HS6ST3: variants seen among roughly 807,000 people sequenced by gnomAD.
HS6ST3 encodes the protein heparan sulfate 6-O-sulfotransferase 3.
In HS6ST3, 12 loss-of-function variants were observed where a neutral mutation model predicts 36.7. That is an observed-to-expected ratio of 0.33 (90% CI 0.21 to 0.53). HS6ST3 has a LOEUF of 0.53. Among genes scored for constraint, HS6ST3 ranks in the 20% least tolerant of loss-of-function variants. The pLI, the probability that HS6ST3 is intolerant of heterozygous loss-of-function variation, is 0.95. For missense variants in HS6ST3, 584 were observed against 640.9 expected, an observed-to-expected ratio of 0.91 and a Z score of 0.96; for synonymous variants, 240 against 257.5, an observed-to-expected ratio of 0.93 and a Z score of 0.65.
chr13:96,771,971 T>C (rs1877277430), intron 1 of HS6ST3, among the ~76,000 whole-genome samples: 2 of 152,228 alleles, frequency 1.3e-5, no homozygotes, highest in African/African-American at 4.8e-5. Context: ...TTTATGTTTC[T>C]GGTACTGTTT....
In HS6ST3 at chr13:96,683,467, A is replaced by G. The variant is rs192421301; in HGVS notation, c.708-149023A>G. ...TGTTTAAGACATTGTAAGAGCATGC[A>G]TACTAGCAGGTATTATTTCATCATT... On this transcript the variant is annotated intron_variant, in intron 1 of 1. Transcript: ENST00000376705. 5.6e-4 allele frequency among the ~76,000 whole-genome samples: 86 copies of G among 152,232 alleles called. No individual in the cohort carries two copies. In the East Asian group the frequency reaches 0.01, roughly 18 times the overall value.
At chr13:96,308,226 A>G (rs1040201509) in intron 1 of HS6ST3, among the ~76,000 whole-genome samples, 5 of 152,120 alleles carry the variant, frequency 3.3e-5, no homozygotes, top group Non-Finnish European at 7.4e-5. Flanking sequence ...AAGGAACACA[A>G]TCAATTCCTT....
At chr13:96,448,848 G>A (rs1044134736) in intron 1 of HS6ST3, among the ~76,000 whole-genome samples, 13 of 152,098 alleles carry the variant, frequency 8.5e-5, no homozygotes, top group Admixed American at 7.2e-4. Flanking sequence ...GTTCATCTTT[G>A]TATGTCATGC....
intron 1 of HS6ST3, among the ~76,000 whole-genome samples, chr13:96,779,657 C>A (rs1305368388): frequency 1.3e-5 from 2 of 151,796 alleles, no homozygotes; most frequent in African/African-American, 2.4e-5. Flanking sequence ...GTGGAGGAGT[C>A]CTTCACATGC....
At chr13:96,725,346 T>C (rs1279824921) in intron 1 of HS6ST3, among the ~76,000 whole-genome samples, 1 of 152,222 alleles carries the variant, frequency 6.6e-6, no homozygotes, top group Non-Finnish European at 1.5e-5. Flanking sequence ...TAGCAGCGTC[T>C]TGAAGAGAAG....
chr13:96,729,938 T>C (rs959618320), intron 1 of HS6ST3, among the ~76,000 whole-genome samples: 3 of 152,236 alleles, frequency 2.0e-5, no homozygotes, highest in African/African-American at 7.2e-5. Flanking sequence ...TTTTATTGTT[T>C]TACTGACTTC....
intron 1 of HS6ST3, among the ~76,000 whole-genome samples, chr13:96,474,748 C>T (rs1271420390): frequency 6.6e-6 from 1 of 152,126 alleles, no homozygotes. Flanking sequence ...GCTTGTTCAA[C>T]TTAATAGGAA....
At chr13:96,529,545 C>T (rs527499749) in intron 1 of HS6ST3, among the ~76,000 whole-genome samples, 12 of 152,208 alleles carry the variant, frequency 7.9e-5, no homozygotes, top group African/African-American at 2.6e-4. Context: ...TATGTAATTG[C>T]AACCATAGTT....
At chr13:96,198,409 C>T (rs959858114) in intron 1 of HS6ST3, among the ~76,000 whole-genome samples, 1 of 152,202 alleles carries the variant, frequency 6.6e-6, no homozygotes, top group Non-Finnish European at 1.5e-5. Context: ...AATTTCTCCC[C>T]AGAAAATGGG....
intron 1 of HS6ST3, among the ~76,000 whole-genome samples, chr13:96,785,738 G>T (rs1196752512): frequency 6.6e-6 from 1 of 152,078 alleles, no homozygotes; most frequent in Non-Finnish European, 1.5e-5. Context: ...ACAAAAAGAG[G>T]CAAAGAGATA....
Position 96,593,127 on chromosome 13 carries a change from ATTC to A in HS6ST3, c.708-239360_708-239358del, listed in dbSNP as rs2056388750. On this transcript the variant is annotated intron_variant, in intron 1 of 1. Transcript: ENST00000376705. ...TTTGTAAGTATGCTTCATTGTTTTT[ATTC>A]TTTTTTCTTTTTTGTCTCCTCTGAC... Among the ~76,000 whole-genome samples the A allele has an allele frequency of 3.8e-5, 4 of 104,060 alleles. No individual in the cohort carries two copies. The South Asian group carries it at 1.2e-3, about 32-fold the overall frequency. 68.3% of individuals were successfully genotyped at this position (104,060 alleles called of 152,430 possible). A position where few individuals can be genotyped will look rare whatever the true frequency, so the allele number is the denominator to read the frequency against.
At chr13:96,150,246 A>G (rs1393907442) in intron 1 of HS6ST3, among the ~76,000 whole-genome samples, 1 of 152,114 alleles carries the variant, frequency 6.6e-6, no homozygotes, top group Non-Finnish European at 1.5e-5. Context: ...ATGGGCTTAG[A>G]ATGGGGGAGT....
intron 1 of HS6ST3, among the ~76,000 whole-genome samples, chr13:96,297,314 T>C (rs934298337): frequency 5.3e-5 from 8 of 152,156 alleles, no homozygotes; most frequent in Admixed American, 3.9e-4. Context: ...CTGTGCACAT[T>C]GAGGTGGTTT....
chr13:96,435,327 A>C (rs2055636221), intron 1 of HS6ST3, among the ~76,000 whole-genome samples: 1 of 151,344 alleles, frequency 6.6e-6, no homozygotes, highest in Non-Finnish European at 1.5e-5. Flanking sequence ...TCCAAGGTGT[A>C]CTCCTTTATG....
rs1878881343 is a variant in HS6ST3 at position 96,834,597 on chromosome 13, G to A, written c.*1399G>A. 1 of 152,640 alleles carries A rather than the reference G, an allele frequency of 6.6e-6. No homozygotes were observed. Among genetic ancestry groups the A allele is most frequent in the African/African-American group, 2.4e-5 (1 of 41,460 alleles). 9.5% of individuals were successfully genotyped at this position (152,640 alleles called of 1,614,324 possible). A position where few individuals can be genotyped will look rare whatever the true frequency, so the allele number is the denominator to read the frequency against. Reference sequence around the variant, plus strand: ...GAAAGCCTTTGTCTAGCATTTATTAGGAGGATCAGAGTGAGTGGGAAGTTT... The same window carrying A: ...GAAAGCCTTTGTCTAGCATTTATTAAGAGGATCAGAGTGAGTGGGAAGTTT... On this transcript the variant is annotated 3_prime_UTR_variant, in exon 2 of 2. Transcript: ENST00000376705.
rs373379137 is a variant in HS6ST3, at chr13:96,426,170, C to A, written c.707+334601C>A. Among the ~76,000 whole-genome samples, 78 of 152,054 alleles carry A rather than the reference C, an allele frequency of 5.1e-4. No homozygotes were observed. The South Asian group carries it at 0.014, about 27-fold the overall frequency. On this transcript the variant is annotated intron_variant, in intron 1 of 1. Transcript: ENST00000376705. ...CCACCTTGCTGTAAGACCCCTGCTT[C>A]AGGCAGGGGTCTCGTCAACCTGTCA... is the stretch of plus-strand genomic sequence containing the variant.
intron 1 of HS6ST3, among the ~76,000 whole-genome samples, chr13:96,734,499 C>T (rs990778474): frequency 6.6e-6 from 1 of 152,130 alleles, no homozygotes; most frequent in African/African-American, 2.4e-5. Context: ...GAGGAGGGAA[C>T]TGAAATTAAA....
chr13:96,502,277 G>A (rs898104371), intron 1 of HS6ST3, among the ~76,000 whole-genome samples: 12 of 151,618 alleles, frequency 7.9e-5, no homozygotes, highest in Non-Finnish European at 1.5e-5. Flanking sequence ...TTAATTGACG[G>A]ATTTGATTTC....
intron 1 of HS6ST3, among the ~76,000 whole-genome samples, chr13:96,639,634 T>A (rs532456221): frequency 3.3e-5 from 5 of 152,090 alleles, no homozygotes; most frequent in Admixed American, 2.0e-4. Flanking sequence ...TGGGGTATGA[T>A]TGATCCTGTC....
Sources: gnomAD v4.1 joint callset for allele counts (sites outside exome capture counted in the v4.1 genomes callset) on GRCh38, gnomAD v4.1.1 for gene constraint, MANE v1.5 for transcripts, NCBI Gene and HGNC (gene_info 2026-07-23, HGNC 2026-07-21) for gene names.